The following BMP2K variants were observed in gnomAD, a reference collection of about 807,000 sequenced individuals.
The protein encoded by BMP2K is BMP2 inducible kinase.
Under a neutral mutation model 116.0 loss-of-function variants are expected in BMP2K, and 74 were observed. That is an observed-to-expected ratio of 0.64 (90% CI 0.53 to 0.77). The LOEUF is 0.77. Ranked by LOEUF, BMP2K falls within the 30% of genes least tolerant of loss-of-function variation. BMP2K has a pLI of 0.00. For synonymous variants in BMP2K, 486 were observed against 502.5 expected (o/e 0.97, Z 0.44); for missense variants, 1,365 against 1,403.6 (o/e 0.97, Z 0.44).
At chr4:78,910,477 C>T (rs1291867550) in intron 15 of BMP2K, 133 bp from the exon 16 acceptor site, 6 of 746,986 alleles carry the variant, frequency 8.0e-6, no homozygotes, top group Non-Finnish European at 1.3e-5. Flanking sequence ...GAAGAATTGA[C>T]AACATTATTT....
chr4:78,875,273 C>G (rs1732577231), intron 13 of BMP2K, among the ~76,000 whole-genome samples: 1 of 152,142 alleles, frequency 6.6e-6, no homozygotes, highest in South Asian at 2.1e-4. Context: ...AAATGTTTGT[C>G]TCTCAGTGGA....
intron 8 of BMP2K, chr4:78,859,959 C>A: frequency 5.6e-6 from 3 of 538,132 alleles, no homozygotes; most frequent in Non-Finnish European, 1.0e-5. Context: ...TGACTTAGCA[C>A]AAAACTAATT....
chr4:78,900,598 T>A (rs1034818119), intron 15 of BMP2K, among the ~76,000 whole-genome samples: 5 of 152,240 alleles, frequency 3.3e-5, no homozygotes, highest in Admixed American at 2.6e-4. Flanking sequence ...TCTGGTTCAG[T>A]CAGCTGGCCT....
At chr4:78,809,863 GAC>G (rs1216137609) in intron 1 of BMP2K, among the ~76,000 whole-genome samples, 1 of 152,130 alleles carries the variant, frequency 6.6e-6, no homozygotes, top group African/African-American at 2.4e-5. Flanking sequence ...TTTTCTCAGA[GAC>G]AGTTTCTGTT....
At chr4:78,877,946 A>G (rs1732709779) in intron 13 of BMP2K, among the ~76,000 whole-genome samples, 1 of 152,124 alleles carries the variant, frequency 6.6e-6, no homozygotes, top group Non-Finnish European at 1.5e-5. Flanking sequence ...TATGTGGTAT[A>G]TGACTATATT....
At chr4:78,898,752 G>C (rs1330467054) in intron 15 of BMP2K, 1 of 151,430 alleles carries the variant, frequency 6.6e-6, no homozygotes, top group Non-Finnish European at 1.5e-5. Context: ...TATATGTATT[G>C]AATCACTTGG....
At chr4:78,856,328 G>A (rs1274392064) in intron 7 of BMP2K, among the ~76,000 whole-genome samples, 3 of 151,956 alleles carry the variant, frequency 2.0e-5, no homozygotes, top group African/African-American at 7.3e-5. Context: ...GGGATTACAG[G>A]CAAGAGTCAC....
chr4:78,842,424 C>T lies in BMP2K; in HGVS notation c.443C>T (p.Thr148Met), dbSNP rs200170520. The T allele has an allele frequency of 1.6e-4, 258 of 1,606,030 alleles. No homozygotes were observed. Among genetic ancestry groups the T allele is most frequent in the Non-Finnish European group, 1.9e-4 (229 of 1,174,454 alleles). The stretch of plus-strand genomic sequence containing the variant: ...AATCAAATGAATAAGAAGCTACAGA[C>T]GGGTTTTACAGAACCAGAAGTGTTA... ...VVNQMNKKLQ[T>M]GFTEPEVLQI... Residue 148 changes from threonine to methionine, a missense_variant, in exon 4 of 16, where the codon ACG (threonine) becomes ATG (methionine). Physicochemically the swap from Thr to Met is moderately conservative, Grantham distance 81. Around this residue, in one of 3 missense-constraint regions of BMP2K, gnomAD observed 762 missense variants for 756.7 expected, o/e 1.01. Coordinates refer to ENST00000502613, the MANE Select transcript of BMP2K (RefSeq NM_198892.2).
intron 1 of BMP2K, among the ~76,000 whole-genome samples, chr4:78,808,820 A>C (rs569476206): frequency 6.6e-6 from 1 of 152,090 alleles, no homozygotes; most frequent in Non-Finnish European, 1.5e-5. Context: ...GTTGGAATAT[A>C]CTGTATGTGA....
At chr4:78,796,575 TG>T (rs1465077502) in intron 1 of BMP2K, among the ~76,000 whole-genome samples, 5 of 152,086 alleles carry the variant, frequency 3.3e-5, no homozygotes, top group Non-Finnish European at 5.9e-5. Context: ...GGAAATCTGG[TG>T]GAAGAGGTGA....
At position 78,909,055 on chromosome 4, in the gene BMP2K, CTTTTTTTTTTTT is replaced by C. The variant is rs1053664659; in HGVS notation, c.2063-1542_2063-1531del. On this transcript the variant is annotated intron_variant, in intron 15 of 15. Transcript: ENST00000502613. ...ACTCCCCTTCTTACCTTCCCTTAGT[CTTTTTTTTTTTT>C]TTTTTTTTTTTTGAGACAGTTCGCT... Among the ~76,000 whole-genome samples the C allele has an allele frequency of 1.2e-4, 11 of 94,412 alleles. No individual in the cohort carries two copies. In the South Asian group the frequency reaches 3.9e-3, roughly 34 times the overall value. 61.9% of individuals were successfully genotyped at this position (94,412 alleles called of 152,430 possible).
rs541722384 is a variant in BMP2K, at chr4:78,898,081, T to G, written c.2062+10797T>G. 4.0e-4 allele frequency among the ~76,000 whole-genome samples: 61 copies of G among 152,300 alleles called. 1 individual carries two copies. Among genetic ancestry groups the G allele is most frequent in the African/African-American group, 1.4e-3 (59 of 41,572 alleles). On this transcript the variant is annotated intron_variant, in intron 15 of 15. Coordinates refer to ENST00000502613, the MANE Select transcript of BMP2K (RefSeq NM_198892.2). ...ATGAATGCATGTGAACTTACAGGAA[T>G]GAAGAGGGCATTCAGAGCAGAGAGA...
chr4:78,906,420 C>T (rs541598544), intron 15 of BMP2K, among the ~76,000 whole-genome samples: 12 of 152,174 alleles, frequency 7.9e-5, no homozygotes, highest in East Asian at 1.9e-4. Context: ...CCCAGTTGCC[C>T]GTACTATTTG....
intron 1 of BMP2K, among the ~76,000 whole-genome samples, chr4:78,809,749 A>C (rs1029547147): frequency 6.6e-6 from 1 of 150,394 alleles, no homozygotes; most frequent in African/African-American, 2.5e-5. Context: ...GTGAGCCATC[A>C]TTTTCATACC....
At chr4:78,882,824 A>G (rs150425839) in intron 14 of BMP2K, among the ~76,000 whole-genome samples, 89 of 152,162 alleles carry the variant, frequency 5.8e-4, no homozygotes, top group African/African-American at 2.0e-3. Flanking sequence ...CTATGAAGCC[A>G]CAGAATGATA....
At chr4:78,782,223 T>G (rs566399657) in intron 1 of BMP2K, among the ~76,000 whole-genome samples, 1 of 152,312 alleles carries the variant, frequency 6.6e-6, no homozygotes, top group Admixed American at 6.5e-5. Context: ...TGTGGACACT[T>G]GTAACTATTT....
intron 3 of BMP2K, among the ~76,000 whole-genome samples, chr4:78,839,684 T>G (rs897796152): frequency 1.3e-5 from 2 of 152,134 alleles, no homozygotes; most frequent in African/African-American, 4.8e-5. Flanking sequence ...TCTCACAATA[T>G]GCCATCTGTA....
intron 1 of BMP2K, among the ~76,000 whole-genome samples, chr4:78,805,367 T>C (rs1431102665): frequency 6.6e-6 from 1 of 152,216 alleles, no homozygotes; most frequent in Non-Finnish European, 1.5e-5. Context: ...CTTTGCTTTT[T>C]TTCAGGTTGT....
intron 7 of BMP2K, among the ~76,000 whole-genome samples, chr4:78,852,500 TGAG>T (rs1428786556): frequency 6.6e-6 from 1 of 152,182 alleles, no homozygotes; most frequent in African/African-American, 2.4e-5. Context: ...AGTATTGTAT[TGAG>T]TAGTAAAAGC....
Sources: allele counts gnomAD v4.1 joint callset (sites outside exome capture counted in the v4.1 genomes callset), GRCh38; gene constraint gnomAD v4.1.1; regional missense constraint gnomAD v4.1.1; transcripts MANE v1.5; gene names NCBI Gene and HGNC (gene_info 2026-07-23, HGNC 2026-07-21).